Variants in TRAF3IP2 observed in about 807,000 individuals in gnomAD.
The protein encoded by TRAF3IP2 is E3 ubiquitin ligase TRAF3IP2.
Under a neutral mutation model 57.9 loss-of-function variants are expected in TRAF3IP2, and 35 were observed. That is an observed-to-expected ratio of 0.60 (90% CI 0.46 to 0.80). The LOEUF (loss-of-function observed/expected upper bound fraction) is 0.80, where lower values mean the gene tolerates loss of function less well. TRAF3IP2 is among the 30% of genes least tolerant of loss of function. TRAF3IP2 has a pLI of 0.00. For synonymous variants in TRAF3IP2, 251 were observed against 268.9 expected, an observed-to-expected ratio of 0.93 and a Z score of 0.65; for missense variants, 556 against 706.4, an observed-to-expected ratio of 0.79 and a Z score of 2.41.
intron 5 of TRAF3IP2, among the ~76,000 whole-genome samples, chr6:111,569,156 A>G (rs1410006481): frequency 6.6e-6 from 1 of 152,202 alleles, no homozygotes; most frequent in Admixed American, 6.5e-5. Context: ...GTGATGGCCA[A>G]CGACTACTCT....
At position 111,591,644 on chromosome 6, in the gene TRAF3IP2, G is replaced by T; in HGVS notation, c.443C>A (p.Ala148Asp). 6.2e-7 allele frequency: 1 copy of T among 1,614,252 alleles called. No individual in the cohort carries two copies. Among genetic ancestry groups the T allele is most frequent in the Non-Finnish European group, 8.5e-7 (1 of 1,180,040 alleles). The change falls in exon 2 of 9, where the codon GCT becomes GAT. Residue 148 changes from alanine (A) to aspartate (D), a missense_variant. Physicochemically the swap from Ala to Asp is moderately radical, Grantham distance 126 (BLOSUM62 -2). Transcript: ENST00000368761. The surrounding 1 kb of genome is among the most constrained non-coding windows in gnomAD (Gnocchi z 4.9). ...NQWLVSQLSA[A>D]SPDTGHDSDK... ...TGAGTCATGGCCAGTGTCAGGAGAA[G>T]CCGCTGAAAGCTGAGATACCAGCCA...
At chr6:111,581,726 C>CCAGCACAG (rs3836974) in intron 2 of TRAF3IP2, among the ~76,000 whole-genome samples, 1 of 151,572 alleles carries the variant, frequency 6.6e-6, no homozygotes, top group Non-Finnish European at 1.5e-5. Flanking sequence ...ACCTGTAATC[C>CCAGCACAG]CAGCACTTTG....
At chr6:111,560,448 G>A (rs1415698721) in intron 8 of TRAF3IP2, among the ~76,000 whole-genome samples, 1 of 152,196 alleles carries the variant, frequency 6.6e-6, no homozygotes, top group African/African-American at 2.4e-5. Context: ...TAAGGCCTTT[G>A]CTTTTGAGTC....
At chr6:111,571,768 TACAC>T (rs1282396403) in intron 5 of TRAF3IP2, among the ~76,000 whole-genome samples, 5 of 151,850 alleles carry the variant, frequency 3.3e-5, no homozygotes, top group Admixed American at 3.3e-4. Flanking sequence ...CTACTAAAAA[TACAC>T]ACACAAAAAA....
intron 1 of TRAF3IP2, among the ~76,000 whole-genome samples, chr6:111,595,612 A>C (rs1404162566): frequency 6.6e-6 from 1 of 152,004 alleles, no homozygotes; most frequent in African/African-American, 2.4e-5. Context: ...GGCAGATCGC[A>C]AAGTCAGGAG....
In TRAF3IP2 at chr6:111,556,580, A is replaced by G. The variant is rs1013937848; in HGVS notation, c.*2825T>C. ...TGTTTGGGTGTTTTCCAGGTTATCC[A>G]AATATGAAAGTCAGTTCTACCAGGT... On this transcript the variant is annotated 3_prime_UTR_variant, in exon 9 of 9. Transcript: ENST00000368761. 1 of 152,266 alleles carries G rather than the reference A, an allele frequency of 6.6e-6. No individual in the cohort carries two copies. Among genetic ancestry groups the G allele is most frequent in the African/African-American group, 2.4e-5 (1 of 41,472 alleles). The allele number at this position is 152,266 out of a possible 1,614,324, so 9.4% of individuals were successfully genotyped here.
chr6:111,594,361 C>G (rs174388), intron 1 of TRAF3IP2: 61,480 of 287,740 alleles, frequency 0.21, 7,256 homozygotes, highest in Middle Eastern at 0.27. Flanking sequence ...AGGACTAATT[C>G]CTGTCCTCTC....
chr6:111,577,112 G>A (rs141150048), intron 3 of TRAF3IP2: 1 of 149,076 alleles, frequency 6.7e-6, no homozygotes, highest in East Asian at 1.9e-4. Flanking sequence ...TATGCTTTCA[G>A]CTAATGGGGG....
In TRAF3IP2 at chr6:111,575,820, C is replaced by T. The variant is rs1795968536; in HGVS notation, c.1024G>A (p.Asp342Asn). The change falls in exon 4 of 9, where the codon GAC becomes AAC. Residue 342 changes from aspartate to asparagine, a missense_variant and splice_region_variant. This residue lies in a region of TRAF3IP2 where 428 missense variants were observed against 498.7 expected (regional missense o/e 0.86). Transcript: ENST00000368761. Reference sequence around the variant, plus strand: ...TTAGGTGGCTGGTGATGTGGCTGGTCCCTAGAAAGGAATACATTTACAGTC... The same window carrying T: ...TTAGGTGGCTGGTGATGTGGCTGGTTCCTAGAAAGGAATACATTTACAGTC... ...CSFPGLPRHQ[D>N]QPHHQPPNRA... The T allele has an allele frequency of 6.2e-7, 1 of 1,608,682 alleles. No individual in the cohort carries two copies. The highest frequency in any genetic ancestry group is 1.7e-5 in the Admixed American group (1 of 58,322).
At chr6:111,599,105 G>A (rs530791093) in intron 1 of TRAF3IP2, among the ~76,000 whole-genome samples, 2 of 134,648 alleles carry the variant, frequency 1.5e-5, no homozygotes, top group African/African-American at 5.7e-5. Context: ...ACAGAGTCTC[G>A]CCATGTTGCC....
intron 1 of TRAF3IP2, among the ~76,000 whole-genome samples, chr6:111,603,562 T>C (rs574826741): frequency 5.0e-4 from 76 of 152,356 alleles, no homozygotes; most frequent in African/African-American, 1.4e-3. Flanking sequence ...ATTTCCATTC[T>C]ACAACGTGTA....
intron 8 of TRAF3IP2, among the ~76,000 whole-genome samples, chr6:111,562,571 T>C (rs1275666761): frequency 1.3e-5 from 2 of 152,166 alleles, no homozygotes; most frequent in Non-Finnish European, 2.9e-5. Context: ...ATGGCAGACA[T>C]GGTGGTTCAT....
chr6:111,566,278 TAGA>T (rs1179071117), intron 7 of TRAF3IP2, among the ~76,000 whole-genome samples, 163 bp downstream of exon 7: 2 of 152,106 alleles, frequency 1.3e-5, no homozygotes, highest in Non-Finnish European at 2.9e-5. Flanking sequence ...GTCCCTAAGG[TAGA>T]TGGAGCCAGA....
chr6:111,591,730 C>A lies in TRAF3IP2; in HGVS notation c.357G>T (p.Glu119Asp), dbSNP rs1452011814. The change falls in exon 2 of 9, where the codon GAG becomes GAT. Residue 119 changes from glutamate (E) to aspartate (D), a missense_variant. Around this residue, in one of 2 missense-constraint regions of TRAF3IP2, gnomAD observed 428 missense variants for 498.7 expected, o/e 0.86. Coordinates refer to ENST00000368761, the MANE Select transcript of TRAF3IP2 (RefSeq NM_147686.4). This position sits in a 1 kb window ranked among gnomAD's most constrained non-coding sequence, Gnocchi z 4.9. ...CTGCAGGGAGGGCTCCAACCACAGA[C>A]TCAGACGCAGGCTCGCTGACTGCAG... ...GCSAVSEPAS[E>D]SVVGALPAEH... 6.2e-7 allele frequency: 1 copy of A among 1,614,234 alleles called. No homozygotes were observed. Among genetic ancestry groups the A allele is most frequent in the South Asian group, 1.1e-5 (1 of 91,084 alleles).
At chr6:111,600,128 G>C (rs950430184) in intron 1 of TRAF3IP2, 1 of 152,198 alleles carries the variant, frequency 6.6e-6, no homozygotes, top group Admixed American at 6.5e-5. Context: ...GTTGAATGTA[G>C]AGCCTGGCAC....
intron 2 of TRAF3IP2, among the ~76,000 whole-genome samples, chr6:111,585,292 T>C (rs1427788583): frequency 2.6e-5 from 4 of 151,266 alleles, no homozygotes; most frequent in Admixed American, 6.6e-5. Flanking sequence ...CAGGTTCTGT[T>C]TCCAAATTTC....
In TRAF3IP2 at chr6:111,565,300, G is replaced by A. The variant is rs533201400; in HGVS notation, c.1476+1144C>T. 415 of 152,346 alleles carry A rather than the reference G, an allele frequency of 2.7e-3. 1 individual carries two copies. The highest frequency in any genetic ancestry group is 6.2e-3 in the South Asian group (30 of 4,812). 9.4% of individuals were successfully genotyped at this position (152,346 alleles called of 1,614,324 possible). A position where few individuals can be genotyped will look rare whatever the true frequency, so the allele number is the denominator to read the frequency against. Reference sequence around the variant, plus strand: ...CCCCTGAGGTAAAGCTGTGTGCCCCGAGACAGCCTGACTGTGCCCTCCCCA... The same window carrying A: ...CCCCTGAGGTAAAGCTGTGTGCCCCAAGACAGCCTGACTGTGCCCTCCCCA... On this transcript the variant is annotated intron_variant, in intron 7 of 8. Coordinates refer to ENST00000368761, the MANE Select transcript of TRAF3IP2 (RefSeq NM_147686.4).
At chr6:111,583,143 G>A (rs1796216119) in intron 2 of TRAF3IP2, among the ~76,000 whole-genome samples, 1 of 152,202 alleles carries the variant, frequency 6.6e-6, no homozygotes, top group Admixed American at 6.5e-5. Context: ...CTCTGTGAAA[G>A]CATGGACTGT....
At chr6:111,568,430 A>AGTGTGTGT (rs1795718870) in intron 5 of TRAF3IP2, among the ~76,000 whole-genome samples, 2 of 105,604 alleles carry the variant, frequency 1.9e-5, no homozygotes, top group Non-Finnish European at 4.1e-5. Flanking sequence ...CTTATACTGC[A>AGTGTGTGT]GAGTGTGTGT....
Sources: allele counts gnomAD v4.1 joint callset (sites outside exome capture counted in the v4.1 genomes callset), GRCh38; gene constraint gnomAD v4.1.1; regional missense constraint gnomAD v4.1.1; non-coding constraint Gnocchi (gnomAD v3.1); transcripts MANE v1.5; gene names NCBI Gene and HGNC (gene_info 2026-07-23, HGNC 2026-07-21).